Variants in ZAN observed in about 807,000 individuals in gnomAD.
ZAN encodes the protein zonadhesin (gene/pseudogene).
A neutral mutation model predicts 286.2 loss-of-function variants in ZAN; 260 were observed. The observed-to-expected ratio is 0.91, with a 90% CI of 0.82 to 1.01. The LOEUF (loss-of-function observed/expected upper bound fraction) is 1.01. ZAN is among the 50% of genes least tolerant of loss of function. The probability of loss-of-function intolerance (pLI) is 0.00; values close to 1 mark genes in which losing one functional copy is unlikely to be tolerated. For missense variants in ZAN, 3,410 were observed against 3,639.2 expected (o/e 0.94, Z 1.62); for synonymous variants, 1,368 against 1,417.5 (o/e 0.97, Z 0.79).
At chr7:100,762,395 G>C (rs376568869) in intron 20 of ZAN, 37 bp downstream of exon 20, 205 of 1,530,410 alleles carry the variant, frequency 1.3e-4, no homozygotes, top group Non-Finnish European at 1.5e-4. Context: ...CCCTGGGAAG[G>C]TTCCGTCCCC....
chr7:100,751,019 C>A (rs905002547), intron 12 of ZAN, 123 bp downstream of exon 12: 6 of 1,440,512 alleles, frequency 4.2e-6, no homozygotes, highest in Non-Finnish European at 4.6e-6. Flanking sequence ...AGGGGAACTT[C>A]GTGTTACAGA....
At chr7:100,761,920 C>T (rs944504039) in intron 19 of ZAN, among the ~76,000 whole-genome samples, 2 of 150,948 alleles carry the variant, frequency 1.3e-5, no homozygotes, top group African/African-American at 2.4e-5. Context: ...GCCTAGGTGA[C>T]GGAGAGAGAC....
intron 39 of ZAN, among the ~76,000 whole-genome samples, chr7:100,790,481 G>T (rs1164734132): frequency 1.3e-5 from 2 of 150,530 alleles, no homozygotes; most frequent in African/African-American, 4.9e-5. Context: ...AGAATGGAGT[G>T]AACCTGGGAG....
Position 100,775,536 on chromosome 7 carries a change from C to G in ZAN, c.5988C>G (p.Tyr1996Ter), listed in dbSNP as rs367873457. 1.9e-6 allele frequency: 3 copies of G among 1,613,778 alleles called. No homozygotes were observed. The highest frequency in any genetic ancestry group is 1.3e-5 in the African/African-American group (1 of 74,926). ...FRLHEVYIDI[Y>*]DAQVTLQKGH... is the part of the protein sequence containing the mutation. ...TTCATGAGGTCTACATTGACATCTA[C>G]GATGCCCAGGTCACCCTGCAGAAGG... Residue 1996 changes from tyrosine to a stop codon, truncating the protein, a stop_gained, in exon 32 of 48, where the codon TAC becomes TAG. Transcript: ENST00000613979. LOFTEE classifies it high-confidence loss of function.
At chr7:100,737,154 C>A in intron 5 of ZAN, 74 bp downstream of exon 5, 1 of 1,434,924 alleles carries the variant, frequency 7.0e-7, no homozygotes, top group Non-Finnish European at 9.5e-7. Flanking sequence ...GGGGGTGTGG[C>A]AAAAAGGGAT....
intron 7 of ZAN, among the ~76,000 whole-genome samples, chr7:100,742,252 C>T (rs1807846258): frequency 8.5e-6 from 1 of 116,974 alleles, no homozygotes; most frequent in Admixed American, 8.1e-5. Flanking sequence ...GAGGTGCTCC[C>T]CACATCTCAG....
intron 37 of ZAN, among the ~76,000 whole-genome samples, chr7:100,786,603 G>A (rs1406255805): frequency 6.6e-6 from 1 of 152,090 alleles, no homozygotes; most frequent in African/African-American, 2.4e-5. Context: ...TAGAGATGGG[G>A]TCTTGCTATG....
chr7:100,762,507 C>A, intron 20 of ZAN, 149 bp downstream of exon 20: 1 of 1,093,016 alleles, frequency 9.1e-7, no homozygotes, highest in East Asian at 3.0e-5. Context: ...CTCACTGCAA[C>A]CTCCGCCTCC....
intron 27 of ZAN, 44 bp from the exon 28 acceptor site, chr7:100,769,836 T>C: frequency 6.5e-7 from 1 of 1,533,956 alleles, no homozygotes; most frequent in East Asian, 2.5e-5. Context: ...CATGAGCCAC[T>C]GCACCCAACC....
intron 7 of ZAN, among the ~76,000 whole-genome samples, chr7:100,745,745 G>A (rs913587719): frequency 2.7e-5 from 4 of 150,254 alleles, no homozygotes; most frequent in Non-Finnish European, 5.9e-5. Context: ...AATTAGCTGG[G>A]CGGACTCCAG....
At chr7:100,792,643 T>C (rs1187728707) in intron 42 of ZAN, 164 bp downstream of exon 42, 2 of 1,413,496 alleles carry the variant, frequency 1.4e-6, no homozygotes, top group Non-Finnish European at 1.8e-6. Flanking sequence ...CTTTCTGTCT[T>C]AGTCCCATCA....
intron 17 of ZAN, among the ~76,000 whole-genome samples, chr7:100,759,507 C>T (rs541258771): frequency 9.2e-5 from 14 of 152,174 alleles, no homozygotes; most frequent in Non-Finnish European, 1.6e-4. Context: ...GATGTTCCAG[C>T]CACTGAGTGG....
chr7:100,775,924 C>T (rs1810751982), intron 33 of ZAN, 91 bp downstream of exon 33: 1 of 1,521,358 alleles, frequency 6.6e-7, no homozygotes, highest in Non-Finnish European at 8.9e-7. Context: ...CGCATCGTGC[C>T]TGCCCAAAGA....
Position 100,759,800 on chromosome 7 carries a change from C to T in ZAN, c.3651C>T (p.Thr1217=). ...GVSCLSKVYV[T]LPESTVTLLK... is the part of the protein sequence containing the mutation. ...CCTGCCTGAGCAAAGTCTACGTGACCCTGCCCGAGAGCACCGTCACCCTGC... is the reference window on the plus strand; with the variant it reads ...CCTGCCTGAGCAAAGTCTACGTGACTCTGCCCGAGAGCACCGTCACCCTGC... The change falls in exon 18 of 48, where the codon ACC becomes ACT. Residue 1217 remains threonine (T), a synonymous_variant. Transcript: ENST00000613979. 1.2e-6 allele frequency: 2 copies of T among 1,610,270 alleles called. No individual in the cohort carries two copies. Among genetic ancestry groups the T allele is most frequent in the Middle Eastern group, 1.7e-4 (1 of 6,060 alleles).
chr7:100,790,454 C>G (rs193238093), intron 39 of ZAN, among the ~76,000 whole-genome samples: 1 of 150,210 alleles, frequency 6.7e-6, no homozygotes, highest in Non-Finnish European at 1.5e-5. Flanking sequence ...CCCAGCTACT[C>G]GTGAGGCTGA....
chr7:100,781,392 C>G (rs1427810803), intron 35 of ZAN, among the ~76,000 whole-genome samples: 2 of 152,086 alleles, frequency 1.3e-5, no homozygotes, highest in East Asian at 3.9e-4. Context: ...CTTTAAAACA[C>G]TCTCGCGTTC....
intron 36 of ZAN, 44 bp downstream of exon 36, chr7:100,784,878 G>A (rs1811461061): frequency 2.0e-6 from 3 of 1,513,398 alleles, no homozygotes; most frequent in Non-Finnish European, 2.7e-6. Flanking sequence ...CACAGCTTGA[G>A]GGCAGTGCTT....
At chr7:100,743,932 GT>G (rs1305121760) in intron 7 of ZAN, among the ~76,000 whole-genome samples, 1 of 151,216 alleles carries the variant, frequency 6.6e-6, no homozygotes, top group Admixed American at 6.6e-5. Flanking sequence ...GCCCAGGCTG[GT>G]CTCAAACTCT....
intron 11 of ZAN, among the ~76,000 whole-genome samples, chr7:100,749,583 T>C (rs1045298180): frequency 1.4e-5 from 2 of 145,082 alleles, no homozygotes; most frequent in African/African-American, 2.6e-5. Flanking sequence ...GAGCTTGCAG[T>C]GAGCCGAGAT....
Sources: allele counts gnomAD v4.1 joint callset (sites outside exome capture counted in the v4.1 genomes callset), GRCh38; gene constraint gnomAD v4.1.1; transcripts MANE v1.5; gene names NCBI Gene and HGNC (gene_info 2026-07-23, HGNC 2026-07-21).